Variants in SLC7A2 observed in about 807,000 individuals in gnomAD.
SLC7A2 encodes the protein solute carrier family 7 member 2, also known as cationic amino acid transporter 2.
SLC7A2 carries 48 observed loss-of-function variants against 58.9 expected under a neutral mutation model. The ratio of observed to expected loss-of-function variants is 0.82; its 90% CI spans 0.65 to 1.04. The LOEUF (loss-of-function observed/expected upper bound fraction) is 1.04. SLC7A2 is among the 50% of genes least tolerant of loss of function. SLC7A2 has a pLI of 0.00. For synonymous variants in SLC7A2, 363 were observed against 314.5 expected (o/e 1.15, Z -1.63); for missense variants, 1,029 against 818.8 (o/e 1.26, Z -3.13).
In SLC7A2 at chr8:17,562,045, C is replaced by T. The variant is rs754834086; in HGVS notation, c.1606C>T (p.Leu536Phe). ...CGCTCTCCTCGCGCTGTTTCTTGTT[C>T]TCTTCGTTGCCATCGTTCTCACCAT... ...SLALLALFLV[L>F]FVAIVLTIWR... The change falls in exon 11 of 13, where the codon CTC becomes TTC. Residue 536 changes from leucine to phenylalanine, a missense_variant. Physicochemically the swap from Leu to Phe is conservative, Grantham distance 22. Transcript: ENST00000494857. 8 of 1,613,922 alleles carry T rather than the reference C, an allele frequency of 5.0e-6. No homozygotes were observed. In the South Asian group the frequency reaches 6.6e-5, roughly 13 times the overall value.
intron 2 of SLC7A2, among the ~76,000 whole-genome samples, chr8:17,523,115 C>A (rs149539393): frequency 6.6e-6 from 1 of 151,882 alleles, no homozygotes; most frequent in African/African-American, 2.4e-5. Flanking sequence ...ATGTAACAAA[C>A]CTGCATGTTC....
chr8:17,558,467 C>T, intron 9 of SLC7A2, 70 bp downstream of exon 9: 2 of 969,322 alleles, frequency 2.1e-6, no homozygotes, highest in East Asian at 2.5e-5. Context: ...AATGAGCCCT[C>T]ACTCTCCTGG....
intron 9 of SLC7A2, among the ~76,000 whole-genome samples, chr8:17,559,400 G>T (rs755526119): frequency 6.6e-6 from 1 of 152,090 alleles, no homozygotes; most frequent in Non-Finnish European, 1.5e-5. Flanking sequence ...GAAGTGCTGA[G>T]CAAAAGGGGG....
chr8:17,564,205 A>C (rs1420703065), intron 12 of SLC7A2, among the ~76,000 whole-genome samples: 2 of 152,214 alleles, frequency 1.3e-5, no homozygotes, highest in Non-Finnish European at 2.9e-5. Context: ...TGTACTTTGC[A>C]AAATATCTGA....
At chr8:17,507,161 G>C (rs978965811) in intron 2 of SLC7A2, among the ~76,000 whole-genome samples, 1 of 151,974 alleles carries the variant, frequency 6.6e-6, no homozygotes, top group Non-Finnish European at 1.5e-5. Context: ...TGGCCAGGAT[G>C]GTCTTGATCT....
chr8:17,504,138 A>G (rs956707771), intron 2 of SLC7A2, among the ~76,000 whole-genome samples: 2 of 152,232 alleles, frequency 1.3e-5, no homozygotes, highest in African/African-American at 4.8e-5. Context: ...TAGAAGAATA[A>G]CAAACTACTA....
intron 5 of SLC7A2, among the ~76,000 whole-genome samples, chr8:17,549,093 A>G (rs1431095436): frequency 6.6e-6 from 1 of 152,152 alleles, no homozygotes; most frequent in Admixed American, 6.5e-5. Context: ...ACTCTCCCTT[A>G]TAAAACCATC....
At chr8:17,555,126 A>G in intron 8 of SLC7A2, 3 of 1,595,580 alleles carry the variant, frequency 1.9e-6, no homozygotes, top group Non-Finnish European at 1.7e-6. Flanking sequence ...AGACTGGAAC[A>G]TTTAATTCGC....
chr8:17,538,983 CT>C, intron 2 of SLC7A2: 2 of 1,446,258 alleles, frequency 1.4e-6, no homozygotes, highest in Middle Eastern at 1.7e-4. Flanking sequence ...AAATGTCAAC[CT>C]TTACTTAGGG....
At chr8:17,523,995 T>G (rs2588221) in intron 2 of SLC7A2, among the ~76,000 whole-genome samples, 1 of 151,864 alleles carries the variant, frequency 6.6e-6, no homozygotes, top group Admixed American at 6.6e-5. Flanking sequence ...AACAAGCATA[T>G]GGAAAAATGT....
At chr8:17,563,847 G>C in intron 12 of SLC7A2, 136 bp downstream of exon 12, 1 of 618,496 alleles carries the variant, frequency 1.6e-6, no homozygotes, top group Non-Finnish European at 2.9e-6. Context: ...ATGTCCGAGT[G>C]CTTTTCCAGA....
chr8:17,534,599 A>G (rs1361010948), intron 2 of SLC7A2, among the ~76,000 whole-genome samples: 2 of 151,316 alleles, frequency 1.3e-5, no homozygotes, highest in African/African-American at 2.4e-5. Flanking sequence ...CAAGGAGCTC[A>G]GTGTGGAAAT....
chr8:17,494,187 G>C (rs1461082380), upstream of SLC7A2, among the ~76,000 whole-genome samples: 1 of 152,132 alleles, frequency 6.6e-6, no homozygotes, highest in African/African-American at 2.4e-5. Flanking sequence ...CATTCCTTCA[G>C]TCTTGCTAGT....
chr8:17,518,542 T>C (rs1471058418), intron 2 of SLC7A2, among the ~76,000 whole-genome samples: 2 of 152,200 alleles, frequency 1.3e-5, no homozygotes, highest in African/African-American at 4.8e-5. Context: ...CATGGGAAAT[T>C]CTGAGCTCTG....
intron 2 of SLC7A2, among the ~76,000 whole-genome samples, chr8:17,533,909 C>T (rs1801557463): frequency 6.6e-6 from 1 of 152,198 alleles, no homozygotes. Flanking sequence ...GATGCTCTCC[C>T]TCCCCTCAGC....
chr8:17,547,775 G>T (rs1320366964), intron 4 of SLC7A2, among the ~76,000 whole-genome samples: 5 of 128,830 alleles, frequency 3.9e-5, no homozygotes, highest in Non-Finnish European at 8.4e-5. Flanking sequence ...TATATTTACT[G>T]GCACAAAAGA....
chr8:17,494,647 A>T (rs80068230), upstream of SLC7A2, among the ~76,000 whole-genome samples: 6,093 of 152,296 alleles, frequency 0.04, 218 homozygotes, highest in African/African-American at 0.089. Flanking sequence ...CTTGTCTCAT[A>T]GTCTGTCTTA....
intron 8 of SLC7A2, among the ~76,000 whole-genome samples, chr8:17,555,254 T>A (rs1585260019): frequency 6.6e-6 from 1 of 152,160 alleles, no homozygotes; most frequent in Non-Finnish European, 1.5e-5. Flanking sequence ...GTGGTGGCGG[T>A]GGTATAATGA....
At chr8:17,508,782 A>T (rs973772325) in intron 2 of SLC7A2, among the ~76,000 whole-genome samples, 2 of 152,204 alleles carry the variant, frequency 1.3e-5, no homozygotes, top group African/African-American at 4.8e-5. Context: ...GAAGATTGAA[A>T]GCCTGATTTA....
Sources: gnomAD v4.1 joint callset for allele counts (sites outside exome capture counted in the v4.1 genomes callset) on GRCh38, gnomAD v4.1.1 for gene constraint, MANE v1.5 for transcripts, NCBI Gene and HGNC (gene_info 2026-07-23, HGNC 2026-07-21) for gene names.